DIO2: variants seen among roughly 807,000 people sequenced by gnomAD.
DIO2 encodes type II iodothyronine deiodinase.
A neutral mutation model predicts 21.4 loss-of-function variants in DIO2; 19 were observed. The ratio of observed to expected loss-of-function variants is 0.89; its 90% confidence interval spans 0.62 to 1.30. The LOEUF (loss-of-function observed/expected upper bound fraction) is 1.30, where lower values mean the gene tolerates loss of function less well. Ranked by LOEUF, DIO2 falls within the 50% of genes most tolerant of loss-of-function variation. The pLI is 0.00. For missense variants in DIO2, 302 were observed against 338.1 expected, an observed-to-expected ratio of 0.89 and a Z score of 0.84; for synonymous variants, 122 against 132.9, an observed-to-expected ratio of 0.92 and a Z score of 0.57.
intron 2 of DIO2, among the ~76,000 whole-genome samples, chr14:80,222,893 C>CA (rs926727113): frequency 2.1e-5 from 3 of 145,180 alleles, no homozygotes; most frequent in African/African-American, 7.8e-5. Flanking sequence ...GGTCTTGCTT[C>CA]ATTGCCCAGG....
At chr14:80,203,406 T>C in intron 1 of DIO2, 118 bp from the exon 2 acceptor site, 3 of 1,217,152 alleles carry the variant, frequency 2.5e-6, no homozygotes, top group Non-Finnish European at 3.3e-6. Flanking sequence ...AGTGTGGTAT[T>C]TCCTTCAGAG....
rs78527313 is a variant in DIO2 at position 80,205,502 on chromosome 14, C to T, written c.223-2214G>A. On this transcript the variant is annotated intron_variant, in intron 1 of 1. Transcript: ENST00000438257. ...CCTTGACAAATGCGCCTCTAACCCC[C>T]TGATTCATCCGAGCAGACCTGTTGA... 7.2e-4 allele frequency: 619 copies of T among 856,840 alleles called. 5 individuals are homozygous for T. The African/African-American group carries it at 0.01, about 14-fold the overall frequency. 53.1% of individuals were successfully genotyped at this position (856,840 alleles called of 1,614,324 possible). A position where few individuals can be genotyped will look rare whatever the true frequency, so the allele number is the denominator to read the frequency against.
Position 80,211,424 on chromosome 14 carries a change from C to G in DIO2, c.49G>C (p.Val17Leu), listed in dbSNP as rs767741367. The G allele has an allele frequency of 3.7e-6, 6 of 1,613,060 alleles. No homozygotes were observed. The highest frequency in any genetic ancestry group is 4.2e-6 in the Non-Finnish European group (5 of 1,179,628). ...DLLITLQILP[V>L]FFSNCLFLAL... is the part of the protein sequence containing the mutation. ...AGGAAGAGGCAGTTGGAGAAAAAAACTGGCAGAATTTGCAGTGTGATCAGC... is the reference window on the plus strand; with the variant it reads ...AGGAAGAGGCAGTTGGAGAAAAAAAGTGGCAGAATTTGCAGTGTGATCAGC... Residue 17 changes from valine (V) to leucine (L), a missense_variant, in exon 1 of 2, where the codon GTT becomes CTT. Coordinates refer to ENST00000438257, the MANE Select transcript of DIO2 (RefSeq NM_013989.5).
upstream of DIO2, chr14:80,211,977 A>G (rs1306644626): frequency 6.9e-6 from 1 of 144,290 alleles, no homozygotes; most frequent in Non-Finnish European, 1.5e-5. Context: ...TTGAATTGCC[A>G]GAGTTTTTTT....
At position 80,199,306 on chromosome 14, in the gene DIO2, C is replaced by T. The variant is rs1439911097; in HGVS notation, c.*3383G>A. On this transcript the variant is annotated 3_prime_UTR_variant, in exon 2 of 2. Transcript: ENST00000438257. Reference sequence around the variant, plus strand: ...CTTCCCACTGTGATGAGAGAATAAGCACTTCCTGGTTAACGGGAGAAGAAC... The same window carrying T: ...CTTCCCACTGTGATGAGAGAATAAGTACTTCCTGGTTAACGGGAGAAGAAC... The T allele has an allele frequency of 6.6e-6, 1 of 152,202 alleles. No homozygotes were observed. Among genetic ancestry groups the T allele is most frequent in the Non-Finnish European group, 1.5e-5 (1 of 68,032 alleles). 9.4% of individuals were successfully genotyped at this position (152,202 alleles called of 1,614,324 possible).
In DIO2 at chr14:80,211,292, G is replaced by A. The variant is rs540962070; in HGVS notation, c.181C>T (p.Arg61Cys). ...WRRMLTSEGLRCVWKSFLLDA... is the reference protein window; with the variant it reads ...WRRMLTSEGLCCVWKSFLLDA... ...AGGAGGAAGCTCTTCCAGACGCAGC[G>A]CAGTCCCTCTGAGGTCAGCATGCGC... Residue 61 changes from arginine to cysteine, a missense_variant, in exon 1 of 2, where the codon CGC becomes TGC. Physicochemically the swap from Arg to Cys is radical, Grantham distance 180. Coordinates refer to ENST00000438257, the MANE Select transcript of DIO2 (RefSeq NM_013989.5). 6.2e-7 allele frequency: 1 copy of A among 1,613,002 alleles called. No homozygotes were observed. Among genetic ancestry groups the A allele is most frequent in the East Asian group, 2.2e-5 (1 of 44,844 alleles).
At chr14:80,214,025 C>T (rs139136833), upstream of DIO2, among the ~76,000 whole-genome samples, 29 of 152,270 alleles carry the variant, frequency 1.9e-4, no homozygotes, top group East Asian at 5.4e-3. Flanking sequence ...CTGCATGTAT[C>T]TTCTCAAACT....
intron 2 of DIO2, among the ~76,000 whole-genome samples, chr14:80,228,375 A>G (rs1309483808): frequency 6.6e-6 from 1 of 152,212 alleles, no homozygotes; most frequent in Non-Finnish European, 1.5e-5. Flanking sequence ...CACATCTGGT[A>G]CAGCAGATGC....
At chr14:80,222,578 CA>C (rs1398408870) in intron 2 of DIO2, among the ~76,000 whole-genome samples, 10 of 152,042 alleles carry the variant, frequency 6.6e-5, no homozygotes, top group Non-Finnish European at 1.2e-4. Context: ...CTTGAAAATG[CA>C]AAAAATTTCC....
intron 2 of DIO2, among the ~76,000 whole-genome samples, chr14:80,224,205 T>A (rs181417523): frequency 6.6e-6 from 1 of 152,092 alleles, no homozygotes; most frequent in Non-Finnish European, 1.5e-5. Context: ...GTGAAGCAAA[T>A]TGCCAAAGGT....
At chr14:80,223,534 T>G (rs1293237679) in intron 2 of DIO2, among the ~76,000 whole-genome samples, 1 of 152,198 alleles carries the variant, frequency 6.6e-6, no homozygotes, top group Non-Finnish European at 1.5e-5. Flanking sequence ...AAAGGCAATC[T>G]TAACCAGGGA....
upstream of DIO2, among the ~76,000 whole-genome samples, chr14:80,212,336 C>CT (rs58062120): frequency 0.26 from 38,179 of 147,898 alleles, 5,327 homozygotes; most frequent in Admixed American, 0.39. Context: ...AACTCGACAA[C>CT]TTTTTTTTTT....
At position 80,203,283 on chromosome 14, in the gene DIO2, T is replaced by G; in HGVS notation, c.228A>C (p.Lys76Asn). The part of the protein sequence containing the change: ...SFLLDAYKQV[K>N]LGEDAPNSSV... ...TGGAATTGGGGGCATCCTCACCCAA[T>G]TTCACCTGACGGTAAAAAAAAAAAA... Residue 76 changes from lysine to asparagine, a missense_variant, in exon 2 of 2, where the codon AAA (lysine) becomes AAC (asparagine). Transcript: ENST00000438257. 6.6e-7 allele frequency: 1 copy of G among 1,521,620 alleles called. No homozygotes were observed. Among genetic ancestry groups the G allele is most frequent in the Non-Finnish European group, 8.8e-7 (1 of 1,138,180 alleles). The allele number at this position is 1,521,620 out of a possible 1,614,324, so 94.3% of individuals were successfully genotyped here. A position where few individuals can be genotyped will look rare whatever the true frequency, so the allele number is the denominator to read the frequency against.
chr14:80,224,753 C>T (rs10136505), intron 2 of DIO2, among the ~76,000 whole-genome samples: 172 of 152,262 alleles, frequency 1.1e-3, no homozygotes, highest in African/African-American at 3.9e-3. Flanking sequence ...GCTAAATGTT[C>T]CTGTTTTGTA....
chr14:80,205,630 G>A lies in DIO2; in HGVS notation c.223-2342C>T, dbSNP rs769049241. 3.0e-6 allele frequency: 4 copies of A among 1,331,628 alleles called. No individual in the cohort carries two copies. The East Asian group carries it at 1.4e-4, about 47-fold the overall frequency. 82.5% of individuals were successfully genotyped at this position (1,331,628 alleles called of 1,614,324 possible). ...CAGTAAATTTTCTTGGAAAGTTAAG[G>A]CACCTTCTCCTTCTTAGAAACAATG... On this transcript the variant is annotated intron_variant, in intron 1 of 1. Coordinates refer to ENST00000438257, the MANE Select transcript of DIO2 (RefSeq NM_013989.5).
Position 80,202,575 on chromosome 14 carries a change from A to G in DIO2, c.*114T>C. 9.0e-7 allele frequency: 1 copy of G among 1,110,890 alleles called. No homozygotes were observed. Among genetic ancestry groups the G allele is most frequent in the Non-Finnish European group, 1.3e-6 (1 of 795,062 alleles). The allele number at this position is 1,110,890 out of a possible 1,614,324, so 68.8% of individuals were successfully genotyped here. A position where few individuals can be genotyped will look rare whatever the true frequency, so the allele number is the denominator to read the frequency against. ...AGAGATTCATGTTCTTCCGATAGAT[A>G]AACTCCTGTCTTTCAGTAAGCCAAT... On this transcript the variant is annotated 3_prime_UTR_variant, in exon 2 of 2. Coordinates refer to ENST00000438257, the MANE Select transcript of DIO2 (RefSeq NM_013989.5).
intron 2 of DIO2, among the ~76,000 whole-genome samples, chr14:80,223,734 T>C (rs1403767790): frequency 6.6e-6 from 1 of 152,210 alleles, no homozygotes; most frequent in Non-Finnish European, 1.5e-5. Flanking sequence ...AGGCTATCAT[T>C]CTTAAGGGAA....
chr14:80,204,799 C>A, intron 1 of DIO2, among the ~76,000 whole-genome samples: 1 of 152,142 alleles, frequency 6.6e-6, no homozygotes, highest in East Asian at 1.9e-4. Flanking sequence ...AAGCTTCTAT[C>A]TAATGTTAAT....
intron 2 of DIO2, among the ~76,000 whole-genome samples, chr14:80,225,843 C>T (rs1275191593): frequency 6.6e-6 from 1 of 152,154 alleles, no homozygotes; most frequent in Non-Finnish European, 1.5e-5. Context: ...TGAAATCACT[C>T]CAGCCAACAC....
Sources: gnomAD v4.1 joint callset for allele counts (sites outside exome capture counted in the v4.1 genomes callset) on GRCh38, gnomAD v4.1.1 for gene constraint, MANE v1.5 for transcripts, NCBI Gene and HGNC (gene_info 2026-07-23, HGNC 2026-07-21) for gene names.